Variants in PTGES3 observed in about 807,000 individuals in gnomAD.
PTGES3 encodes prostaglandin E synthase 3.
In PTGES3, 5 loss-of-function variants were observed where a neutral mutation model predicts 29.9. That is an observed-to-expected ratio of 0.17 (90% confidence interval 0.09 to 0.35). The LOEUF (loss-of-function observed/expected upper bound fraction) is 0.35. Among genes scored for constraint, PTGES3 ranks in the 10% least tolerant of loss-of-function variants. PTGES3 has a pLI of 1.00. For missense variants in PTGES3, 128 were observed against 190.0 expected (o/e 0.67, Z 1.92); for synonymous variants, 49 against 57.8 (o/e 0.85, Z 0.69).
At chr12:56,681,261 G>C (rs921081089) in intron 1 of PTGES3, among the ~76,000 whole-genome samples, 1 of 152,032 alleles carries the variant, frequency 6.6e-6, no homozygotes, top group East Asian at 1.9e-4. Context: ...GAATCAGGCC[G>C]GGCGCGGTGG....
intron 1 of PTGES3, chr12:56,687,169 C>T: frequency 3.9e-6 from 4 of 1,037,458 alleles, no homozygotes; most frequent in Non-Finnish European, 4.8e-6. Context: ...AATTTAAGAT[C>T]TTTGGGACGA....
chr12:56,665,562 CTGTTT>C, intron 6 of PTGES3: 2 of 985,384 alleles, frequency 2.0e-6, no homozygotes, highest in South Asian at 4.7e-5. Flanking sequence ...CAATGTCCAT[CTGTTT>C]TATCGGTCTC....
intron 1 of PTGES3, among the ~76,000 whole-genome samples, chr12:56,678,108 AACT>A (rs1204175133): frequency 1.3e-5 from 2 of 151,926 alleles, no homozygotes; most frequent in Non-Finnish European, 2.9e-5. Flanking sequence ...GAACTCCAGG[AACT>A]ACTTTTTTCC....
At chr12:56,683,874 G>A (rs1952692613) in intron 1 of PTGES3, among the ~76,000 whole-genome samples, 1 of 144,180 alleles carries the variant, frequency 6.9e-6, no homozygotes, top group Non-Finnish European at 1.5e-5. Flanking sequence ...CAAGAGAATG[G>A]CGTGAACCCC....
At chr12:56,676,554 G>T (rs373276131) in intron 1 of PTGES3, among the ~76,000 whole-genome samples, 1 of 151,774 alleles carries the variant, frequency 6.6e-6, no homozygotes, top group African/African-American at 2.4e-5. Flanking sequence ...AATGCTTCAG[G>T]GTCTAAAACC....
Position 56,672,944 on chromosome 12 carries a change from T to C in PTGES3, c.116+8A>G, listed in dbSNP as rs1952065274. On this transcript the variant is annotated splice_region_variant and intron_variant, in intron 2 of 7. Transcript: ENST00000262033. Reference sequence around the variant, plus strand: ...ATTTTACATCATTGGATAAAAAGCTTAACTTACCTGAATGTAAGTTTGGAT... The same window carrying C: ...ATTTTACATCATTGGATAAAAAGCTCAACTTACCTGAATGTAAGTTTGGAT... The C allele has an allele frequency of 6.3e-7, 1 of 1,592,332 alleles. No homozygotes were observed. The highest frequency in any genetic ancestry group is 1.2e-5 in the South Asian group (1 of 86,956).
rs150213167 is a variant in PTGES3, at chr12:56,673,925, G to A, written c.3-860C>T. On this transcript the variant is annotated intron_variant, in intron 1 of 7. Coordinates refer to ENST00000262033, the MANE Select transcript of PTGES3 (RefSeq NM_006601.7). ...GGAGGCTGCGGTGAGCTGAGATCAT[G>A]CCACTGCAATCCAGCCTGGGCAACA... Among the ~76,000 whole-genome samples, 58 of 152,072 alleles carry A rather than the reference G, an allele frequency of 3.8e-4. No homozygotes were observed. In the East Asian group the frequency reaches 0.011, roughly 28 times the overall value.
chr12:56,676,230 C>G (rs1253939912), intron 1 of PTGES3, among the ~76,000 whole-genome samples: 1 of 49,074 alleles, frequency 2.0e-5, no homozygotes, highest in South Asian at 8.4e-4. Context: ...TGTCTCCCCC[C>G]CCAAAAAAAA....
At chr12:56,677,535 G>A (rs1301486871) in intron 1 of PTGES3, among the ~76,000 whole-genome samples, 1 of 152,120 alleles carries the variant, frequency 6.6e-6, no homozygotes, top group African/African-American at 2.4e-5. Flanking sequence ...TTATTGGAAA[G>A]AAAAATATAT....
intron 5 of PTGES3, 118 bp from the exon 6 acceptor site, chr12:56,666,384 C>T: frequency 1.4e-5 from 17 of 1,188,732 alleles, no homozygotes; most frequent in Non-Finnish European, 1.8e-5. Context: ...ATGCAAAATG[C>T]AAATATAAGC....
At chr12:56,671,386 G>A (rs1951999788) in intron 4 of PTGES3, among the ~76,000 whole-genome samples, 1 of 152,104 alleles carries the variant, frequency 6.6e-6, no homozygotes, top group Non-Finnish European at 1.5e-5. Context: ...GTGACAAAGA[G>A]AGACCCTGTT....
intron 1 of PTGES3, chr12:56,687,785 G>C: frequency 7.2e-7 from 1 of 1,386,742 alleles, no homozygotes; most frequent in Non-Finnish European, 9.3e-7. Context: ...GGAAGCCAAG[G>C]AACGGTTCAG....
intron 1 of PTGES3, among the ~76,000 whole-genome samples, chr12:56,684,463 T>C (rs922717423): frequency 3.3e-5 from 5 of 152,222 alleles, no homozygotes; most frequent in African/African-American, 1.2e-4. Flanking sequence ...ATATGTTCAC[T>C]ACGACAATTT....
intron 1 of PTGES3, among the ~76,000 whole-genome samples, chr12:56,673,788 TC>T (rs1363421455): frequency 8.4e-5 from 4 of 47,890 alleles, no homozygotes; most frequent in Admixed American, 2.8e-4. Flanking sequence ...CGAGACTGTC[TC>T]AAAAAAAAAA....
intron 1 of PTGES3, among the ~76,000 whole-genome samples, chr12:56,684,576 C>T (rs1453971679): frequency 6.6e-6 from 1 of 152,190 alleles, no homozygotes; most frequent in South Asian, 2.1e-4. Context: ...AGTTTCTGGA[C>T]AACTTCCTAA....
At chr12:56,684,348 G>T (rs1005524634) in intron 1 of PTGES3, among the ~76,000 whole-genome samples, 1 of 152,072 alleles carries the variant, frequency 6.6e-6, no homozygotes, top group Non-Finnish European at 1.5e-5. Flanking sequence ...AACACAGGAA[G>T]AAAAATTAAA....
chr12:56,670,390 T>C, intron 4 of PTGES3, 26 bp from the exon 5 acceptor site: 5 of 1,512,480 alleles, frequency 3.3e-6, no homozygotes, highest in Non-Finnish European at 4.6e-6. Context: ...AATATCACCC[T>C]AAGATTAGGC....
chr12:56,677,451 T>C (rs760388117), intron 1 of PTGES3, among the ~76,000 whole-genome samples: 1 of 152,108 alleles, frequency 6.6e-6, no homozygotes, highest in Non-Finnish European at 1.5e-5. Context: ...GTTGCTTTGA[T>C]GACATAGCTG....
chr12:56,685,337 C>T (rs1952775097), intron 1 of PTGES3, among the ~76,000 whole-genome samples: 2 of 151,704 alleles, frequency 1.3e-5, no homozygotes, highest in Admixed American at 1.3e-4. Context: ...CTTGTTTCCC[C>T]CAGCCCAACA....
Sources: allele counts gnomAD v4.1 joint callset (sites outside exome capture counted in the v4.1 genomes callset), GRCh38; gene constraint gnomAD v4.1.1; transcripts MANE v1.5; gene names NCBI Gene and HGNC (gene_info 2026-07-23, HGNC 2026-07-21).